PIBF1: variants seen among roughly 807,000 people sequenced by gnomAD.
PIBF1 encodes the protein progesterone-induced-blocking factor 1.
A neutral mutation model predicts 112.5 loss-of-function variants in PIBF1; 90 were observed. That is an observed-to-expected ratio of 0.80 (90% CI 0.67 to 0.95). PIBF1 has a LOEUF of 0.95. Among genes scored for constraint, PIBF1 ranks in the 40% least tolerant of loss-of-function variants. PIBF1 has a pLI of 0.00. For synonymous variants in PIBF1, 301 were observed against 288.6 expected (o/e 1.04, Z -0.44); for missense variants, 915 against 852.3 (o/e 1.07, Z -0.92).
chr13:72,909,497 CT>C (rs768847208), intron 12 of PIBF1, among the ~76,000 whole-genome samples: 236 of 142,736 alleles, frequency 1.7e-3, no homozygotes, highest in Middle Eastern at 3.6e-3. Context: ...TTTCTTTTTT[CT>C]TTTTTTTTTT....
At chr13:72,835,139 T>C in intron 8 of PIBF1, 104 bp from the exon 9 acceptor site, 4 of 715,580 alleles carry the variant, frequency 5.6e-6, no homozygotes, top group Non-Finnish European at 8.4e-6. Flanking sequence ...GGTAACACAG[T>C]TTATAGAGCA....
chr13:73,000,236 T>A (rs148190565), intron 17 of PIBF1, among the ~76,000 whole-genome samples: 1 of 152,190 alleles, frequency 6.6e-6, no homozygotes, highest in Non-Finnish European at 1.5e-5. Flanking sequence ...TGCTTACTCA[T>A]GTTTTCCACT....
At chr13:72,947,925 G>T (rs1301024678) in intron 14 of PIBF1, among the ~76,000 whole-genome samples, 1 of 152,160 alleles carries the variant, frequency 6.6e-6, no homozygotes, top group Non-Finnish European at 1.5e-5. Flanking sequence ...CATGTCCTTT[G>T]CAGGAACATG....
At position 72,908,511 on chromosome 13, in the gene PIBF1, T is replaced by C. The variant is rs1299774628; in HGVS notation, c.1489-20T>C. 4 of 1,561,442 alleles carry C rather than the reference T, an allele frequency of 2.6e-6. No homozygotes were observed. Among genetic ancestry groups the C allele is most frequent in the Non-Finnish European group, 3.5e-6 (4 of 1,150,862 alleles). On this transcript the variant is annotated intron_variant, in intron 11 of 17. Transcript: ENST00000326291. ...CACCTGTTTAATTCTGCCTTTGTAA[T>C]TCTTCTCTTTCACTATTAGGTTTTA... is the stretch of plus-strand genomic sequence containing the variant.
chr13:72,815,369 G>A (rs1193384965), intron 5 of PIBF1, among the ~76,000 whole-genome samples: 1 of 152,032 alleles, frequency 6.6e-6, no homozygotes, highest in East Asian at 1.9e-4. Context: ...AGATTTTATC[G>A]CTTTCTTCAT....
intron 10 of PIBF1, among the ~76,000 whole-genome samples, chr13:72,885,954 C>T (rs1438743069): frequency 6.6e-6 from 1 of 152,122 alleles, no homozygotes; most frequent in Non-Finnish European, 1.5e-5. Flanking sequence ...TAGCCCATTT[C>T]AGAACACTAA....
At position 72,883,497 on chromosome 13, in the gene PIBF1, A is replaced by G. The variant is rs962258140; in HGVS notation, c.1323-10287A>G. On this transcript the variant is annotated intron_variant, in intron 10 of 17. Coordinates refer to ENST00000326291, the MANE Select transcript of PIBF1 (RefSeq NM_006346.4). ...TCTCTCTCTGGCTTTATACTGGATC[A>G]GTGATTGCTGGATCAGATGGTAGCT... is the stretch of plus-strand genomic sequence containing the variant. Among the ~76,000 whole-genome samples the G allele has an allele frequency of 3.3e-5, 5 of 152,138 alleles. No individual in the cohort carries two copies. In the East Asian group the frequency reaches 5.8e-4, roughly 18 times the overall value.
intron 11 of PIBF1, among the ~76,000 whole-genome samples, chr13:72,904,232 A>G (rs1359248162): frequency 6.6e-6 from 1 of 151,942 alleles, no homozygotes; most frequent in African/African-American, 2.4e-5. Context: ...GTCATTAAAC[A>G]GAAACTACAA....
intron 12 of PIBF1, among the ~76,000 whole-genome samples, chr13:72,913,832 TATAA>T (rs1163316574): frequency 3.3e-5 from 5 of 152,254 alleles, no homozygotes; most frequent in Middle Eastern, 3.4e-3. Flanking sequence ...TGTCCACATG[TATAA>T]ATATTTTCTT....
At chr13:73,013,160 G>A (rs144217905) in intron 17 of PIBF1, among the ~76,000 whole-genome samples, 4,805 of 151,764 alleles carry the variant, frequency 0.032, 95 homozygotes, top group South Asian at 0.049. Flanking sequence ...AATTAGCCGG[G>A]CGTGGTGGCG....
At chr13:72,969,100 A>C (rs1280899201) in intron 15 of PIBF1, among the ~76,000 whole-genome samples, 1 of 152,190 alleles carries the variant, frequency 6.6e-6, no homozygotes, top group African/African-American at 2.4e-5. Context: ...TGTTCTGAGG[A>C]ATAAATGATA....
At chr13:73,007,471 GA>G (rs2044069883) in intron 17 of PIBF1, among the ~76,000 whole-genome samples, 1 of 151,968 alleles carries the variant, frequency 6.6e-6, no homozygotes, top group Non-Finnish European at 1.5e-5. Flanking sequence ...CAGTTACCAA[GA>G]GCCAGCAAAC....
chr13:72,986,890 A>G (rs1004992782), intron 16 of PIBF1, among the ~76,000 whole-genome samples: 6 of 151,936 alleles, frequency 3.9e-5, no homozygotes, highest in African/African-American at 1.5e-4. Context: ...ACAGGGTTTC[A>G]CCTTGTTAGC....
At chr13:72,792,372 A>T in intron 2 of PIBF1, 75 bp from the exon 3 acceptor site, 1 of 913,026 alleles carries the variant, frequency 1.1e-6, no homozygotes, top group Non-Finnish European at 1.7e-6. Context: ...AAGTGTTTTT[A>T]AAATATGTTT....
intron 10 of PIBF1, among the ~76,000 whole-genome samples, chr13:72,857,669 T>A (rs906270940): frequency 2.0e-5 from 3 of 152,120 alleles, no homozygotes; most frequent in Non-Finnish European, 4.4e-5. Context: ...CAAAACCCTG[T>A]CTCTACTAAA....
At chr13:72,915,008 A>G (rs2041032056) in intron 12 of PIBF1, among the ~76,000 whole-genome samples, 2 of 152,204 alleles carry the variant, frequency 1.3e-5, no homozygotes, top group Admixed American at 1.3e-4. Flanking sequence ...AATATTGGGG[A>G]AAAGACAATA....
chr13:72,940,657 T>C (rs2138813986), intron 14 of PIBF1, among the ~76,000 whole-genome samples: 1 of 152,208 alleles, frequency 6.6e-6, no homozygotes, highest in East Asian at 1.9e-4. Flanking sequence ...GTTAGGTTTC[T>C]TGGAAACAGT....
chr13:72,970,102 T>G (rs562472526), intron 15 of PIBF1, among the ~76,000 whole-genome samples: 4 of 152,242 alleles, frequency 2.6e-5, no homozygotes, highest in African/African-American at 9.6e-5. Context: ...TCTTAGAAAA[T>G]TAAACAATAC....
At chr13:72,871,370 A>G (rs1235041313) in intron 10 of PIBF1, among the ~76,000 whole-genome samples, 5 of 151,944 alleles carry the variant, frequency 3.3e-5, no homozygotes, top group Admixed American at 6.6e-5. Context: ...CAATGGCGCA[A>G]TCTTGGCTCA....
Sources: allele counts gnomAD v4.1 joint callset (sites outside exome capture counted in the v4.1 genomes callset), GRCh38; gene constraint gnomAD v4.1.1; transcripts MANE v1.5; gene names NCBI Gene and HGNC (gene_info 2026-07-23, HGNC 2026-07-21).